Variants in NTRK2 observed in about 807,000 individuals in gnomAD.
The protein encoded by NTRK2 is neurotrophic receptor tyrosine kinase 2.
In NTRK2, 13 loss-of-function variants were observed where a neutral mutation model predicts 94.5. The ratio of observed to expected loss-of-function variants is 0.14; its 90% CI spans 0.09 to 0.22. NTRK2 has a LOEUF of 0.22. NTRK2 is among the 10% of genes least tolerant of loss of function. The pLI, the probability that NTRK2 is intolerant of heterozygous loss-of-function variation, is 1.00. For synonymous variants in NTRK2, 372 were observed against 407.4 expected, an observed-to-expected ratio of 0.91 and a Z score of 1.05; for missense variants, 639 against 1,071.2, an observed-to-expected ratio of 0.60 and a Z score of 5.63.
At chr9:84,721,759 C>T (rs2062081720) in intron 6 of NTRK2, among the ~76,000 whole-genome samples, 1 of 152,166 alleles carries the variant, frequency 6.6e-6, no homozygotes. Flanking sequence ...GGAAATAGTG[C>T]CACATGGGTA....
intron 2 of NTRK2, among the ~76,000 whole-genome samples, chr9:84,672,305 GCAGCCAAC>G (rs569791162): frequency 9.8e-4 from 149 of 152,322 alleles, no homozygotes; most frequent in Middle Eastern, 3.4e-3. Context: ...TGTGTCGGGA[GCAGCCAAC>G]TGTCGGGCTG....
intron 17 of NTRK2, among the ~76,000 whole-genome samples, chr9:85,006,904 C>T (rs60981557): frequency 0.019 from 2,937 of 152,268 alleles, 50 homozygotes; most frequent in East Asian, 0.055. Flanking sequence ...GCCCGCAGCC[C>T]CACCAGCACT....
At chr9:84,668,650 C>T (rs1430675181), upstream of NTRK2, 1 of 152,274 alleles carries the variant, frequency 6.6e-6, no homozygotes, top group African/African-American at 2.4e-5. Flanking sequence ...CCCGGATCGC[C>T]TAATTTGTCC....
chr9:84,841,702 T>C (rs983422025), intron 12 of NTRK2, among the ~76,000 whole-genome samples: 1 of 152,210 alleles, frequency 6.6e-6, no homozygotes, highest in Non-Finnish European at 1.5e-5. Flanking sequence ...TCCTCCCACC[T>C]TACTTATGGT....
intron 17 of NTRK2, among the ~76,000 whole-genome samples, chr9:85,015,300 C>G (rs1377546975): frequency 1.3e-5 from 2 of 152,094 alleles, no homozygotes; most frequent in Admixed American, 6.5e-5. Flanking sequence ...TCTTATACAA[C>G]TTAGAGAGAC....
intron 14 of NTRK2, among the ~76,000 whole-genome samples, chr9:84,878,827 A>T (rs1246659078): frequency 6.6e-6 from 1 of 151,968 alleles, no homozygotes; most frequent in Non-Finnish European, 1.5e-5. Flanking sequence ...TCTGGCCTGG[A>T]TCTTGTGTAA....
chr9:84,895,451 G>C (rs1173137974), intron 14 of NTRK2, among the ~76,000 whole-genome samples: 1 of 152,166 alleles, frequency 6.6e-6, no homozygotes, highest in Non-Finnish European at 1.5e-5. Flanking sequence ...TCCTAGAGGA[G>C]AGACAGGGAA....
intron 12 of NTRK2, among the ~76,000 whole-genome samples, chr9:84,755,390 A>G (rs943489308): frequency 8.5e-5 from 13 of 152,204 alleles, no homozygotes. Context: ...GAATGATCAG[A>G]GAAGATTTTC....
At chr9:84,810,037 G>T (rs1377587380) in intron 12 of NTRK2, among the ~76,000 whole-genome samples, 1 of 152,172 alleles carries the variant, frequency 6.6e-6, no homozygotes, top group Non-Finnish European at 1.5e-5. Flanking sequence ...GCTGGGGAAA[G>T]AAAATCAGGA....
At chr9:84,952,832 C>T (rs1331976846) in intron 16 of NTRK2, among the ~76,000 whole-genome samples, 1 of 152,146 alleles carries the variant, frequency 6.6e-6, no homozygotes, top group African/African-American at 2.4e-5. Flanking sequence ...GGTTGGAGGA[C>T]AGAATTTTGT....
In NTRK2 at chr9:85,026,532, T is replaced by C. The variant is rs1833042440; in HGVS notation, c.*5095T>C. On this transcript the variant is annotated 3_prime_UTR_variant, in exon 19 of 19. Coordinates refer to ENST00000277120, the MANE Select transcript of NTRK2 (RefSeq NM_006180.6). ...AGCTGGAAATGTTTTAAATACAAGG[T>C]CTTTGAATTAAATGTGGATTTTAAA... The C allele has an allele frequency of 4.3e-6, 1 of 232,594 alleles. No individual in the cohort carries two copies. The highest frequency in any genetic ancestry group is 5.6e-5 in the Admixed American group (1 of 17,764). The allele number at this position is 232,594 out of a possible 1,614,324, so 14.4% of individuals were successfully genotyped here. A position where few individuals can be genotyped will look rare whatever the true frequency, so the allele number is the denominator to read the frequency against.
At chr9:84,803,416 G>A (rs1033826451) in intron 12 of NTRK2, among the ~76,000 whole-genome samples, 2 of 152,226 alleles carry the variant, frequency 1.3e-5, no homozygotes, top group Non-Finnish European at 2.9e-5. Context: ...TCTGCCTGCA[G>A]CAGCGTCAGA....
intron 14 of NTRK2, among the ~76,000 whole-genome samples, chr9:84,889,259 G>T (rs2076525180): frequency 6.6e-6 from 1 of 151,520 alleles, no homozygotes. Flanking sequence ...CAAAGTGCTG[G>T]GATTACAGGC....
chr9:84,724,445 A>C lies in NTRK2; in HGVS notation c.853+89A>C, dbSNP rs868689005. On this transcript the variant is annotated intron_variant, in intron 8 of 18. Transcript: ENST00000277120. ...GCTGGGGCACTCTGGGTGCTGCTTAAATTTGTTAAAAAAAGTATATGCAGT... is the reference window on the plus strand; with the variant it reads ...GCTGGGGCACTCTGGGTGCTGCTTACATTTGTTAAAAAAAGTATATGCAGT... The C allele has an allele frequency of 5.3e-6, 8 of 1,499,668 alleles. No homozygotes were observed. In the East Asian group the frequency reaches 1.8e-4, roughly 34 times the overall value. The allele number at this position is 1,499,668 out of a possible 1,614,324, so 92.9% of individuals were successfully genotyped here.
chr9:84,954,910 C>T (rs536314532), intron 16 of NTRK2, among the ~76,000 whole-genome samples: 224 of 152,294 alleles, frequency 1.5e-3, no homozygotes, highest in African/African-American at 5.2e-3. Context: ...GTTTTGTCTT[C>T]CTTCACCTAC....
At chr9:84,675,178 A>G (rs1226783750) in intron 2 of NTRK2, among the ~76,000 whole-genome samples, 1 of 152,136 alleles carries the variant, frequency 6.6e-6, no homozygotes, top group African/African-American at 2.4e-5. Context: ...TGAACAGCTG[A>G]GAGTTGAGGT....
chr9:84,723,587 A>C lies in NTRK2; in HGVS notation c.598A>C (p.Asn200His). Residue 200 changes from asparagine to histidine, a missense_variant, in exon 7 of 19, where the codon AAT (asparagine) becomes CAT (histidine). Physicochemically the swap from Asn to His is moderately conservative, Grantham distance 68. This residue lies in a region of NTRK2 where 206 missense variants were observed against 251.5 expected (regional missense o/e 0.82). Transcript: ENST00000277120. ...QIPNCGLPSANLAAPNLTVEE... is the reference protein window; with the variant it reads ...QIPNCGLPSAHLAAPNLTVEE... ...TTGTTCCATAGGTTTGCCATCTGCAAATCTGGCCGCACCTAACCTCACTGT... is the reference window on the plus strand; with the variant it reads ...TTGTTCCATAGGTTTGCCATCTGCACATCTGGCCGCACCTAACCTCACTGT... 1 of 1,614,110 alleles carries C rather than the reference A, an allele frequency of 6.2e-7. No homozygotes were observed. The highest frequency in any genetic ancestry group is 8.5e-7 in the Non-Finnish European group (1 of 1,179,966).
In NTRK2 at chr9:84,872,382, T is replaced by TACAC; in HGVS notation, c.1633+4952_1633+4953insCACA. ...TCTCTTGAAGGGCAGGAGTGTGTTT[T>TACAC]ATCTTCTCCCGTCGGAGCAAACACT... On this transcript the variant is annotated intron_variant, in intron 14 of 18. Coordinates refer to ENST00000277120, the MANE Select transcript of NTRK2 (RefSeq NM_006180.6). The TACAC allele has an allele frequency of 1.0e-5, 11 of 1,090,396 alleles. No individual in the cohort carries two copies. The Admixed American group carries it at 2.3e-4, about 22-fold the overall frequency. 67.5% of individuals were successfully genotyped at this position (1,090,396 alleles called of 1,614,324 possible). A position where few individuals can be genotyped will look rare whatever the true frequency, so the allele number is the denominator to read the frequency against.
intron 12 of NTRK2, chr9:84,811,621 GA>G: frequency 9.4e-7 from 1 of 1,065,400 alleles, no homozygotes; most frequent in Non-Finnish European, 1.1e-6. Flanking sequence ...TTCTAAGAAG[GA>G]TAGTCCCCCC....
Sources: allele counts gnomAD v4.1 joint callset (sites outside exome capture counted in the v4.1 genomes callset), GRCh38; gene constraint gnomAD v4.1.1; regional missense constraint gnomAD v4.1.1; transcripts MANE v1.5; gene names NCBI Gene and HGNC (gene_info 2026-07-23, HGNC 2026-07-21).